RGPD2: variants seen among roughly 807,000 people sequenced by gnomAD.
RGPD2 encodes the protein RANBP2 like and GRIP domain containing 2.
A neutral mutation model predicts 36.0 loss-of-function variants in RGPD2; 2 were observed. That is an observed-to-expected ratio of 0.06 (90% CI 0.02 to 0.17). RGPD2 has a LOEUF of 0.17. Among genes scored for constraint, RGPD2 ranks in the 10% least tolerant of loss-of-function variants. The pLI, the probability that RGPD2 is intolerant of heterozygous loss-of-function variation, is 1.00. For missense variants in RGPD2, 40 were observed against 464.3 expected (o/e 0.09, Z 8.40); for synonymous variants, 19 against 163.8 (o/e 0.12, Z 6.75).
chr2:87,976,402 A>T, the RGPD2 span, among the ~76,000 whole-genome samples: 1 of 152,240 alleles, frequency 6.6e-6, no homozygotes, highest in Non-Finnish European at 1.5e-5. Flanking sequence ...GAAGATCAGG[A>T]TCAGTACCAA....
chr2:87,878,123 C>G, the RGPD2 span, among the ~76,000 whole-genome samples: 3 of 152,236 alleles, frequency 2.0e-5, no homozygotes, highest in African/African-American at 2.4e-5. Context: ...AGTGTGTTTT[C>G]CAACTTGGTT....
the RGPD2 span, among the ~76,000 whole-genome samples, chr2:87,983,410 G>C: frequency 8.0e-6 from 1 of 124,404 alleles, no homozygotes; most frequent in Non-Finnish European, 1.7e-5. Context: ...TTCATGTGCT[G>C]AAATAGACAC....
At chr2:87,943,575 C>T in the RGPD2 span, among the ~76,000 whole-genome samples, 12 of 151,572 alleles carry the variant, frequency 7.9e-5, no homozygotes, top group Non-Finnish European at 1.6e-4. Flanking sequence ...AATATAGTCC[C>T]TCATTCTTCA....
the RGPD2 span, among the ~76,000 whole-genome samples, chr2:87,930,474 TATTTTGCTGAGG>T: frequency 6.6e-6 from 1 of 152,140 alleles, no homozygotes; most frequent in Non-Finnish European, 1.5e-5. Context: ...TACTTGCCAG[TATTTTGCTGAGG>T]ATTTTGCATT....
At chr2:87,957,993 A>G in the RGPD2 span, among the ~76,000 whole-genome samples, 68 of 152,382 alleles carry the variant, frequency 4.5e-4, no homozygotes, top group African/African-American at 1.6e-3. Context: ...CAGCTCCTCT[A>G]TATTAAAGAT....
the RGPD2 span, among the ~76,000 whole-genome samples, chr2:87,974,643 G>A: frequency 6.6e-6 from 1 of 152,146 alleles, no homozygotes; most frequent in Admixed American, 6.5e-5. Context: ...TCAATGCTAA[G>A]AAATACCTCA....
At chr2:87,973,064 AC>A in the RGPD2 span, 21 of 1,460,558 alleles carry the variant, frequency 1.4e-5, no homozygotes, top group East Asian at 2.5e-5. Flanking sequence ...CCCAGGCACC[AC>A]CCCCCGCCCC....
the RGPD2 span, among the ~76,000 whole-genome samples, chr2:87,966,554 CA>C: frequency 6.6e-6 from 1 of 150,906 alleles, no homozygotes; most frequent in Non-Finnish European, 1.5e-5. Flanking sequence ...GCTTTTGTGA[CA>C]AAAGCAGAAA....
the RGPD2 span, chr2:87,985,834 G>A: frequency 2.5e-6 from 4 of 1,610,898 alleles, no homozygotes; most frequent in East Asian, 2.2e-5. Context: ...GGAGCACTGT[G>A]GACATTGTAC....
At chr2:87,980,118 G>T in the RGPD2 span, among the ~76,000 whole-genome samples, 2 of 152,066 alleles carry the variant, frequency 1.3e-5, no homozygotes, top group Non-Finnish European at 2.9e-5. Context: ...GGGACACCAA[G>T]GTCAGGAAGG....
the RGPD2 span, among the ~76,000 whole-genome samples, chr2:87,834,154 C>T: frequency 3.5e-5 from 5 of 141,256 alleles, no homozygotes; most frequent in Non-Finnish European, 6.1e-5. Flanking sequence ...AATCAATCAG[C>T]GTGATTCACC....
intron 19 of RGPD2, among the ~76,000 whole-genome samples, 178 bp from the exon 20 acceptor site, chr2:87,784,525 TTTACA>T (rs1265140357): frequency 6.6e-6 from 1 of 152,048 alleles, no homozygotes; most frequent in African/African-American, 2.4e-5. Context: ...TTCTAAGCAC[TTTACA>T]TTATTATCTC....
chr2:87,962,421 T>TA, the RGPD2 span, among the ~76,000 whole-genome samples: 2 of 151,262 alleles, frequency 1.3e-5, no homozygotes, highest in Non-Finnish European at 3.0e-5. Context: ...ATTGCCTTTC[T>TA]AAAAAAGGAA....
the RGPD2 span, chr2:87,986,050 A>T: frequency 1.6e-6 from 1 of 634,172 alleles, no homozygotes; most frequent in South Asian, 2.1e-5. Context: ...TAAAGAGCCA[A>T]TGAGATGCAA....
At chr2:87,951,222 T>C in the RGPD2 span, among the ~76,000 whole-genome samples, 33 of 147,728 alleles carry the variant, frequency 2.2e-4, no homozygotes, top group African/African-American at 8.0e-4. Flanking sequence ...AGAATATAAT[T>C]CTAAGGGCAT....
the RGPD2 span, among the ~76,000 whole-genome samples, chr2:87,831,088 G>T: frequency 2.6e-5 from 4 of 152,172 alleles, no homozygotes; most frequent in Non-Finnish European, 5.9e-5. Context: ...TAAAATAATG[G>T]AAAGTATGGT....
the RGPD2 span, among the ~76,000 whole-genome samples, chr2:87,917,324 C>A: frequency 2.7e-5 from 3 of 112,528 alleles, no homozygotes; most frequent in African/African-American, 1.1e-4. Flanking sequence ...CTGACAGGAT[C>A]TGACTTTTGT....
At chr2:87,855,011 T>C in the RGPD2 span, among the ~76,000 whole-genome samples, 229 of 152,172 alleles carry the variant, frequency 1.5e-3, no homozygotes, top group African/African-American at 5.1e-3. Flanking sequence ...TGTGTGTGTG[T>C]GCGTGTGTGT....
chr2:87,951,826 G>A, the RGPD2 span, among the ~76,000 whole-genome samples: 331 of 141,464 alleles, frequency 2.3e-3, no homozygotes, highest in South Asian at 0.021. Context: ...TTTGTGATCC[G>A]CCCGCCTCAG....
Sources: allele counts gnomAD v4.1 joint callset (sites outside exome capture counted in the v4.1 genomes callset), GRCh38; gene constraint gnomAD v4.1.1; transcripts MANE v1.5; gene names NCBI Gene and HGNC (gene_info 2026-07-23, HGNC 2026-07-21).